MICU3: variants seen among roughly 807,000 people sequenced by gnomAD.
The protein encoded by MICU3 is mitochondrial calcium uptake 3.
MICU3 carries 62 observed loss-of-function variants against 66.5 expected under a neutral mutation model. That is an observed-to-expected ratio of 0.93 (90% confidence interval 0.76 to 1.15). The LOEUF (loss-of-function observed/expected upper bound fraction) is 1.15. Among genes scored for constraint, MICU3 ranks in the 50% most tolerant of loss-of-function variants. The pLI is 0.00. For synonymous variants in MICU3, 308 were observed against 240.7 expected (o/e 1.28, Z -2.59); for missense variants, 779 against 664.4 (o/e 1.17, Z -1.90).
intron 1 of MICU3, among the ~76,000 whole-genome samples, chr8:17,038,335 C>T (rs993844515): frequency 2.6e-5 from 4 of 152,262 alleles, no homozygotes; most frequent in African/African-American, 9.6e-5. Flanking sequence ...GAATAAGTCT[C>T]ACAAGATCTG....
intron 3 of MICU3, among the ~76,000 whole-genome samples, chr8:17,070,394 A>G (rs1195528325): frequency 6.6e-6 from 1 of 152,068 alleles, no homozygotes; most frequent in Admixed American, 6.6e-5. Flanking sequence ...GTATAATTCT[A>G]TTTGTATAAA....
At chr8:17,104,331 G>A (rs1801541259) in intron 9 of MICU3, 60 bp from the exon 10 acceptor site, 9 of 703,364 alleles carry the variant, frequency 1.3e-5, no homozygotes, top group African/African-American at 1.8e-5. Flanking sequence ...AGAAATATTG[G>A]GTATCCCTAT....
Position 17,067,316 on chromosome 8 carries a change from C to T in MICU3, c.536-2372C>T, listed in dbSNP as rs563458301. On this transcript the variant is annotated intron_variant, in intron 2 of 14. Coordinates refer to ENST00000318063, the MANE Select transcript of MICU3 (RefSeq NM_181723.3). ...TTTCCTCATTTATAAAAATAACAGC[C>T]TCATGAAGTTTTTCTTGAAGATCGA... Among the ~76,000 whole-genome samples the T allele has an allele frequency of 9.9e-5, 15 of 152,194 alleles. No homozygotes were observed. The South Asian group carries it at 3.1e-3, about 32-fold the overall frequency.
intron 3 of MICU3, among the ~76,000 whole-genome samples, chr8:17,076,524 AC>A: frequency 6.6e-6 from 1 of 152,228 alleles, no homozygotes; most frequent in South Asian, 2.1e-4. Context: ...AACATGAAAA[AC>A]ACAAACACAA....
chr8:17,071,032 T>C (rs183133240), intron 3 of MICU3, among the ~76,000 whole-genome samples: 63 of 152,224 alleles, frequency 4.1e-4, no homozygotes, highest in Non-Finnish European at 1.5e-4. Context: ...AACTTAAAAC[T>C]TAGGAATTGT....
intron 8 of MICU3, among the ~76,000 whole-genome samples, chr8:17,096,271 A>G (rs529967717): frequency 9.9e-5 from 15 of 151,974 alleles, no homozygotes; most frequent in African/African-American, 3.4e-4. Context: ...GTATGCATAG[A>G]TATGTTCTGG....
intron 1 of MICU3, among the ~76,000 whole-genome samples, chr8:17,042,338 G>A (rs1814282676): frequency 6.6e-6 from 1 of 152,190 alleles, no homozygotes; most frequent in African/African-American, 2.4e-5. Flanking sequence ...GCCAAACGCT[G>A]AGAATGTAAC....
At chr8:17,063,569 G>A (rs759406969) in intron 1 of MICU3, among the ~76,000 whole-genome samples, 5 of 152,114 alleles carry the variant, frequency 3.3e-5, no homozygotes, top group Non-Finnish European at 7.4e-5. Context: ...TAGTGATCTG[G>A]AACTAGCAAT....
chr8:17,085,145 A>G, intron 5 of MICU3, 91 bp from the exon 6 acceptor site: 1 of 777,958 alleles, frequency 1.3e-6, no homozygotes, highest in Non-Finnish European at 2.2e-6. Context: ...TAACCAATAC[A>G]GAATATGAGT....
At chr8:17,072,535 G>A (rs1157281663) in intron 3 of MICU3, among the ~76,000 whole-genome samples, 6 of 151,750 alleles carry the variant, frequency 4.0e-5, no homozygotes, top group African/African-American at 1.5e-4. Context: ...TGAAAGCTTA[G>A]CATCAAAACA....
intron 7 of MICU3, among the ~76,000 whole-genome samples, chr8:17,088,168 G>A (rs375819120): frequency 6.6e-6 from 1 of 151,892 alleles, no homozygotes; most frequent in African/African-American, 2.4e-5. Flanking sequence ...CTGCTTTACA[G>A]GATATTTGAC....
intron 5 of MICU3, among the ~76,000 whole-genome samples, chr8:17,082,905 A>G (rs1821415233): frequency 6.6e-6 from 1 of 152,150 alleles, no homozygotes; most frequent in African/African-American, 2.4e-5. Flanking sequence ...GTGTATTTCA[A>G]AAAATATTTT....
At chr8:17,047,839 A>G (rs908194591) in intron 1 of MICU3, among the ~76,000 whole-genome samples, 3 of 152,258 alleles carry the variant, frequency 2.0e-5, no homozygotes, top group Admixed American at 6.5e-5. Context: ...AATGAAATGA[A>G]TTAACATAAA....
the MICU3 span, among the ~76,000 whole-genome samples, chr8:17,137,873 C>T: frequency 1.8e-4 from 28 of 151,706 alleles, 1 homozygote; most frequent in Admixed American, 1.5e-3. Flanking sequence ...CGCACCACCA[C>T]GCCCAGCTAA....
chr8:17,105,722 A>C, intron 11 of MICU3, 138 bp downstream of exon 11: 1 of 450,532 alleles, frequency 2.2e-6, no homozygotes, highest in Non-Finnish European at 3.9e-6. Context: ...TGTGTCCTAA[A>C]TGCTCTGGCT....
At chr8:17,094,100 C>A (rs528947350) in intron 8 of MICU3, among the ~76,000 whole-genome samples, 1 of 152,064 alleles carries the variant, frequency 6.6e-6, no homozygotes, top group South Asian at 2.1e-4. Flanking sequence ...CCTACTTATG[C>A]ATCCTAAACA....
At chr8:17,069,640 T>G in intron 2 of MICU3, 48 bp from the exon 3 acceptor site, 1 of 1,179,358 alleles carries the variant, frequency 8.5e-7, no homozygotes, top group Non-Finnish European at 1.2e-6. Context: ...TGGATATATA[T>G]TCCATGAAGT....
At chr8:17,042,113 TA>T (rs1303411374) in intron 1 of MICU3, among the ~76,000 whole-genome samples, 3 of 152,112 alleles carry the variant, frequency 2.0e-5, no homozygotes, top group African/African-American at 7.3e-5. Flanking sequence ...TTTACTATTC[TA>T]ATTTATAAGT....
At position 17,039,895 on chromosome 8, in the gene MICU3, CTTTTTTTT is replaced by C. The variant is rs35133600; in HGVS notation, c.381+12257_381+12264del. 9.3e-3 allele frequency among the ~76,000 whole-genome samples: 582 copies of C among 62,452 alleles called. 1 individual carries two copies. The highest frequency in any genetic ancestry group is 0.037 in the African/African-American group (558 of 15,012). 41.0% of individuals were successfully genotyped at this position (62,452 alleles called of 152,430 possible). ...ATGAAGGTATCCATCATCTTGCATT[CTTTTTTTT>C]TTTTTTTTTTTTTTTTTTTTTGAGA... is the stretch of plus-strand genomic sequence containing the variant. On this transcript the variant is annotated intron_variant, in intron 1 of 14. Coordinates refer to ENST00000318063, the MANE Select transcript of MICU3 (RefSeq NM_181723.3).
Sources: gnomAD v4.1 joint callset for allele counts (sites outside exome capture counted in the v4.1 genomes callset) on GRCh38, gnomAD v4.1.1 for gene constraint, MANE v1.5 for transcripts, NCBI Gene and HGNC (gene_info 2026-07-23, HGNC 2026-07-21) for gene names.